Variants in BORCS5 observed in about 807,000 individuals in gnomAD.
The protein encoded by BORCS5 is BLOC-1 related complex subunit 5.
A neutral mutation model predicts 22.1 loss-of-function variants in BORCS5; 17 were observed. That is an observed-to-expected ratio of 0.77 (90% confidence interval 0.53 to 1.15). The LOEUF (loss-of-function observed/expected upper bound fraction) is 1.15. Ranked by LOEUF, BORCS5 falls within the 50% of genes most tolerant of loss-of-function variation. The pLI, the probability that BORCS5 is intolerant of heterozygous loss-of-function variation, is 0.00. For missense variants in BORCS5, 247 were observed against 253.2 expected, an observed-to-expected ratio of 0.98 and a Z score of 0.17; for synonymous variants, 117 against 99.8, an observed-to-expected ratio of 1.17 and a Z score of -1.03.
chr12:12,406,841 A>G (rs1448826259), intron 2 of BORCS5, among the ~76,000 whole-genome samples: 2 of 152,106 alleles, frequency 1.3e-5, no homozygotes, highest in African/African-American at 4.8e-5. Flanking sequence ...CCTTAAAGCA[A>G]GCTCTTTTGG....
At chr12:12,424,290 C>G (rs1942223665) in intron 2 of BORCS5, among the ~76,000 whole-genome samples, 2 of 152,186 alleles carry the variant, frequency 1.3e-5, no homozygotes, top group Non-Finnish European at 2.9e-5. Context: ...ATTATTCACT[C>G]ATTCTTTCTT....
At chr12:12,408,672 A>G (rs1565878594) in intron 2 of BORCS5, among the ~76,000 whole-genome samples, 1 of 152,196 alleles carries the variant, frequency 6.6e-6, no homozygotes, top group Non-Finnish European at 1.5e-5. Flanking sequence ...TGACTGGCTT[A>G]CTTCACTTAG....
At chr12:12,453,029 C>T (rs1942940075) in intron 3 of BORCS5, among the ~76,000 whole-genome samples, 1 of 152,108 alleles carries the variant, frequency 6.6e-6, no homozygotes, top group African/African-American at 2.4e-5. Context: ...AGTCAAAGAC[C>T]AAATCGGGAT....
intron 2 of BORCS5, among the ~76,000 whole-genome samples, chr12:12,399,898 T>G (rs1941429039): frequency 1.3e-5 from 2 of 152,342 alleles, no homozygotes; most frequent in Admixed American, 6.5e-5. Flanking sequence ...TGTTTTCCAC[T>G]CATCTGGACT....
intron 2 of BORCS5, among the ~76,000 whole-genome samples, chr12:12,394,175 A>G (rs1941272706): frequency 6.6e-6 from 1 of 151,796 alleles, no homozygotes; most frequent in Admixed American, 6.6e-5. Context: ...AAAATACAAA[A>G]ATGAGCCTGG....
chr12:12,459,797 T>TC (rs1373820967), intron 3 of BORCS5, among the ~76,000 whole-genome samples: 1 of 152,144 alleles, frequency 6.6e-6, no homozygotes, highest in Non-Finnish European at 1.5e-5. Flanking sequence ...AAAACTTTTT[T>TC]CCCCCATTAA....
chr12:12,410,117 T>C (rs1048870222), intron 2 of BORCS5, among the ~76,000 whole-genome samples: 4 of 152,242 alleles, frequency 2.6e-5, no homozygotes. Flanking sequence ...TTGTAGATTC[T>C]GGATATTAGC....
At chr12:12,436,135 C>T (rs16908062) in intron 3 of BORCS5, among the ~76,000 whole-genome samples, 10,778 of 152,236 alleles carry the variant, frequency 0.071, 561 homozygotes, top group East Asian at 0.23. Context: ...CTAATTTGCT[C>T]TAGCCACCAT....
chr12:12,435,399 G>T (rs1338098418), intron 2 of BORCS5, among the ~76,000 whole-genome samples: 1 of 152,116 alleles, frequency 6.6e-6, no homozygotes, highest in Non-Finnish European at 1.5e-5. Context: ...TCACTTTCCA[G>T]GGCAGCTGTG....
intron 2 of BORCS5, among the ~76,000 whole-genome samples, chr12:12,420,578 G>A (rs1353214429): frequency 6.6e-6 from 1 of 152,172 alleles, no homozygotes; most frequent in African/African-American, 2.4e-5. Flanking sequence ...CCAATTCTGT[G>A]AAGAAAGTCA....
intron 2 of BORCS5, among the ~76,000 whole-genome samples, chr12:12,390,076 T>G (rs1377166282): frequency 2.0e-5 from 3 of 152,170 alleles, no homozygotes; most frequent in African/African-American, 7.2e-5. Context: ...AGCCATCTTT[T>G]CCACATAGGC....
At chr12:12,371,766 A>G (rs1230085515) in intron 2 of BORCS5, among the ~76,000 whole-genome samples, 1 of 151,942 alleles carries the variant, frequency 6.6e-6, no homozygotes, top group African/African-American at 2.4e-5. Flanking sequence ...ACCGCTTGAT[A>G]TTTTCTTACA....
chr12:12,449,922 G>A (rs557098469), intron 3 of BORCS5, among the ~76,000 whole-genome samples: 46 of 152,202 alleles, frequency 3.0e-4, no homozygotes, highest in Non-Finnish European at 5.0e-4. Context: ...CACCGAGCAG[G>A]TTCCTATTCC....
chr12:12,358,258 A>G (rs1475856800), intron 1 of BORCS5, among the ~76,000 whole-genome samples: 1 of 152,218 alleles, frequency 6.6e-6, no homozygotes, highest in Non-Finnish European at 1.5e-5. Flanking sequence ...TTGCTAACGC[A>G]AATTGGTTAA....
intron 3 of BORCS5, among the ~76,000 whole-genome samples, chr12:12,453,001 G>A (rs1034621263): frequency 1.3e-5 from 2 of 152,192 alleles, no homozygotes; most frequent in Non-Finnish European, 2.9e-5. Flanking sequence ...CTTCGGAGTG[G>A]AGACAGCTAA....
chr12:12,455,995 A>G (rs1388164971), intron 3 of BORCS5, among the ~76,000 whole-genome samples: 2 of 152,194 alleles, frequency 1.3e-5, no homozygotes, highest in Admixed American at 6.5e-5. Flanking sequence ...GCATATCTAC[A>G]TCTTAAGTTT....
At chr12:12,390,140 A>G (rs912748782) in intron 2 of BORCS5, among the ~76,000 whole-genome samples, 2 of 152,010 alleles carry the variant, frequency 1.3e-5, no homozygotes, top group African/African-American at 2.4e-5. Flanking sequence ...CCTTTAATCT[A>G]TCATTCCTTC....
Position 12,357,155 on chromosome 12 carries a change from C to T in BORCS5, c.-297C>T, listed in dbSNP as rs7975896. The T allele has an allele frequency of 4.9e-3, 7,540 of 1,532,696 alleles. 298 individuals are homozygous for T. In the African/African-American group the frequency reaches 0.084, roughly 17 times the overall value. The allele number at this position is 1,532,696 out of a possible 1,614,324, so 94.9% of individuals were successfully genotyped here. On this transcript the variant is annotated 5_prime_UTR_variant, in exon 1 of 4. Coordinates refer to ENST00000314565, the MANE Select transcript of BORCS5 (RefSeq NM_058169.6). ...CGGCGCCGCCCGCCGGCCGCAGGTG[C>T]GGCAAAGCCAGTGTCATCTGCCGGT...
chr12:12,434,855 T>C (rs1942520666), intron 2 of BORCS5, among the ~76,000 whole-genome samples: 1 of 152,242 alleles, frequency 6.6e-6, no homozygotes, highest in South Asian at 2.1e-4. Context: ...GAGGTTCTGA[T>C]AATTGAGAAC....
Sources: gnomAD v4.1 joint callset for allele counts (sites outside exome capture counted in the v4.1 genomes callset) on GRCh38, gnomAD v4.1.1 for gene constraint, MANE v1.5 for transcripts, NCBI Gene and HGNC (gene_info 2026-07-23, HGNC 2026-07-21) for gene names.